PTPRD: variants seen among roughly 807,000 people sequenced by gnomAD.
PTPRD encodes receptor-type tyrosine-protein phosphatase delta.
A neutral mutation model predicts 214.5 loss-of-function variants in PTPRD; 34 were observed. The ratio of observed to expected loss-of-function variants is 0.16; its 90% CI spans 0.12 to 0.21. The LOEUF (loss-of-function observed/expected upper bound fraction) is 0.21. Ranked by LOEUF, PTPRD falls within the 10% of genes least tolerant of loss-of-function variation. The pLI, the probability that PTPRD is intolerant of heterozygous loss-of-function variation, is 1.00. For synonymous variants in PTPRD, 1,128 were observed against 845.7 expected (o/e 1.33, Z -5.79); for missense variants, 2,545 against 2,398.7 (o/e 1.06, Z -1.27).
intron 37 of PTPRD, among the ~76,000 whole-genome samples, chr9:8,381,696 A>G (rs946431120): frequency 6.6e-6 from 1 of 152,198 alleles, no homozygotes; most frequent in Non-Finnish European, 1.5e-5. Context: ...ACCAAATTAC[A>G]TGTCATAAAA....
At chr9:8,968,189 A>G (rs923314711) in intron 11 of PTPRD, among the ~76,000 whole-genome samples, 1 of 152,022 alleles carries the variant, frequency 6.6e-6, no homozygotes, top group African/African-American at 2.4e-5. Context: ...AGTCTTTGCT[A>G]TTGTGAATAG....
intron 9 of PTPRD, among the ~76,000 whole-genome samples, chr9:9,191,967 G>A (rs1017932773): frequency 6.6e-6 from 1 of 151,990 alleles, no homozygotes; most frequent in African/African-American, 2.4e-5. Context: ...CCATTTTCAT[G>A]TTGCCCCAAT....
intron 2 of PTPRD, among the ~76,000 whole-genome samples, chr9:10,467,160 T>C (rs1308681337): frequency 1.3e-5 from 2 of 152,060 alleles, no homozygotes; most frequent in African/African-American, 2.4e-5. Context: ...GTTAACAGAG[T>C]ACAGTGAGAA....
At chr9:10,384,709 C>T (rs2097883116) in intron 2 of PTPRD, among the ~76,000 whole-genome samples, 1 of 150,414 alleles carries the variant, frequency 6.6e-6, no homozygotes, top group Admixed American at 6.6e-5. Flanking sequence ...AAGCAGAAAC[C>T]CTGTAAGCAT....
chr9:10,409,635 A>G (rs1438835009), intron 2 of PTPRD, among the ~76,000 whole-genome samples: 1 of 151,852 alleles, frequency 6.6e-6, no homozygotes, highest in Non-Finnish European at 1.5e-5. Context: ...TGGTTTTAAA[A>G]CATGACCACA....
chr9:9,002,279 TA>T (rs1555685810), intron 11 of PTPRD, among the ~76,000 whole-genome samples: 1 of 152,010 alleles, frequency 6.6e-6, no homozygotes, highest in Non-Finnish European at 1.5e-5. Flanking sequence ...TAGATCTTAA[TA>T]TTAATGAGGC....
At chr9:9,966,435 G>A (rs1490749802) in intron 4 of PTPRD, among the ~76,000 whole-genome samples, 1 of 152,044 alleles carries the variant, frequency 6.6e-6, no homozygotes, top group African/African-American at 2.4e-5. Context: ...GCAGCAAGGA[G>A]GTACCTTATC....
At chr9:9,932,210 G>C (rs1274175861) in intron 5 of PTPRD, among the ~76,000 whole-genome samples, 1 of 151,154 alleles carries the variant, frequency 6.6e-6, no homozygotes. Context: ...ACCAGCAAAA[G>C]AACAAAGCTG....
At chr9:9,105,809 T>C (rs2099797651) in intron 10 of PTPRD, among the ~76,000 whole-genome samples, 1 of 152,158 alleles carries the variant, frequency 6.6e-6, no homozygotes, top group Non-Finnish European at 1.5e-5. Context: ...GTCAGTACCA[T>C]TTTGGGGTCT....
At chr9:10,233,170 AT>A in intron 3 of PTPRD, among the ~76,000 whole-genome samples, 1 of 152,156 alleles carries the variant, frequency 6.6e-6, no homozygotes, top group Non-Finnish European at 1.5e-5. Context: ...CTGTTGGTGC[AT>A]TCATTTGCAT....
At chr9:10,080,421 G>T (rs7044540) in intron 3 of PTPRD, among the ~76,000 whole-genome samples, 11,219 of 152,098 alleles carry the variant, frequency 0.074, 1,343 homozygotes, top group African/African-American at 0.25. Context: ...ACTTGTCATT[G>T]CTACACTGTA....
chr9:8,533,056 G>C (rs189347003), intron 14 of PTPRD, among the ~76,000 whole-genome samples: 111 of 152,144 alleles, frequency 7.3e-4, no homozygotes, highest in Admixed American at 1.2e-3. Context: ...TTACATATCT[G>C]TGAATGATCA....
In PTPRD at chr9:8,706,461, G is replaced by C. The variant is rs993587393; in HGVS notation, c.64+27319C>G. Among the ~76,000 whole-genome samples, 3 of 152,144 alleles carry C rather than the reference G, an allele frequency of 2.0e-5. No individual in the cohort carries two copies. In the South Asian group the frequency reaches 6.2e-4, roughly 31 times the overall value. On this transcript the variant is annotated intron_variant, in intron 12 of 45. Coordinates refer to ENST00000381196, the MANE Select transcript of PTPRD (RefSeq NM_002839.4). ...GCTAAAGACAAGTGTTCATGGTTTT[G>C]CCAATTCAATTCACTAGAAGCCATC...
At chr9:8,445,612 C>T (rs2095693845) in intron 34 of PTPRD, among the ~76,000 whole-genome samples, 1 of 152,174 alleles carries the variant, frequency 6.6e-6, no homozygotes, top group Non-Finnish European at 1.5e-5. Context: ...GGTCCTAACA[C>T]TATGCAGCAT....
intron 8 of PTPRD, among the ~76,000 whole-genome samples, chr9:9,446,091 G>A (rs2090305119): frequency 6.6e-6 from 1 of 152,102 alleles, no homozygotes; most frequent in Admixed American, 6.6e-5. Flanking sequence ...CATGTGGTAA[G>A]AAATGACATA....
At chr9:10,200,165 G>C (rs1468606354) in intron 3 of PTPRD, among the ~76,000 whole-genome samples, 7 of 151,962 alleles carry the variant, frequency 4.6e-5, no homozygotes, top group Non-Finnish European at 1.0e-4. Context: ...TCTTGTTTCA[G>C]TAATTCACCT....
At chr9:8,710,665 C>A (rs576821303) in intron 12 of PTPRD, among the ~76,000 whole-genome samples, 108 of 152,102 alleles carry the variant, frequency 7.1e-4, no homozygotes, top group South Asian at 3.3e-3. Flanking sequence ...AATAGGATAT[C>A]AAAAATGTGC....
chr9:10,017,527 T>C (rs2096746401), intron 4 of PTPRD, among the ~76,000 whole-genome samples: 1 of 152,132 alleles, frequency 6.6e-6, no homozygotes, highest in South Asian at 2.1e-4. Context: ...TATACAGATA[T>C]TTTATTTTTC....
At chr9:9,759,628 G>C (rs923035378) in intron 6 of PTPRD, among the ~76,000 whole-genome samples, 12 of 141,448 alleles carry the variant, frequency 8.5e-5, no homozygotes, top group African/African-American at 3.2e-4. Flanking sequence ...CGCGATCTCA[G>C]CTCACTGCAA....
Sources: allele counts gnomAD v4.1 joint callset (sites outside exome capture counted in the v4.1 genomes callset), GRCh38; gene constraint gnomAD v4.1.1; transcripts MANE v1.5; gene names NCBI Gene and HGNC (gene_info 2026-07-23, HGNC 2026-07-21).